Variants in PTK2B observed in about 807,000 individuals in gnomAD.
PTK2B encodes the protein protein-tyrosine kinase 2-beta.
In PTK2B, 71 loss-of-function variants were observed where a neutral mutation model predicts 142.9. That is an observed-to-expected ratio of 0.50 (90% CI 0.41 to 0.61). PTK2B has a LOEUF of 0.61. Among genes scored for constraint, PTK2B ranks in the 20% least tolerant of loss-of-function variants. The pLI is 0.00. For synonymous variants in PTK2B, 519 were observed against 503.4 expected, an observed-to-expected ratio of 1.03 and a Z score of -0.42; for missense variants, 1,105 against 1,320.4, an observed-to-expected ratio of 0.84 and a Z score of 2.53.
At chr8:27,310,655 T>G, upstream of PTK2B, 2 of 921,610 alleles carry the variant, frequency 2.2e-6, no homozygotes, top group South Asian at 1.8e-5. Context: ...CCTGAGAACC[T>G]GGGTCGGAGA....
chr8:27,356,287 C>T (rs10102753), intron 1 of PTK2B, among the ~76,000 whole-genome samples: 57,537 of 151,988 alleles, frequency 0.38, 12,010 homozygotes, highest in Non-Finnish European at 0.48. Context: ...GCTTACTGAC[C>T]GTATTGGGCC....
rs1020306011 is a variant in PTK2B at position 27,419,993 on chromosome 8, G to A, written c.303G>A (p.Glu101=). The part of the protein sequence containing the change: ...GLRLKHMKSD[E]IHWLHPQMTV... ...GGCTGAAGCACATGAAGTCCGATGAGATCCACTGGCTGCACCCACAGATGA... is the reference window on the plus strand; with the variant it reads ...GGCTGAAGCACATGAAGTCCGATGAAATCCACTGGCTGCACCCACAGATGA... The change falls in exon 3 of 31, where the codon GAG becomes GAA. Residue 101 remains glutamate (E), a synonymous_variant. Coordinates refer to ENST00000346049, the MANE Select transcript of PTK2B (RefSeq NM_173176.3). 8 of 1,614,096 alleles carry A rather than the reference G, an allele frequency of 5.0e-6. No individual in the cohort carries two copies. Among genetic ancestry groups the A allele is most frequent in the Non-Finnish European group, 6.8e-6 (8 of 1,180,046 alleles).
chr8:27,372,362 C>T (rs1177281239), intron 1 of PTK2B, among the ~76,000 whole-genome samples: 1 of 152,054 alleles, frequency 6.6e-6, no homozygotes, highest in Non-Finnish European at 1.5e-5. Flanking sequence ...GGCTCAAGAC[C>T]CAGGAAGAGT....
chr8:27,310,912 G>A (rs750672990), upstream of PTK2B: 3 of 1,612,826 alleles, frequency 1.9e-6, no homozygotes, highest in South Asian at 3.3e-5. Context: ...AGAAGAGGCT[G>A]AGCTGTCCGC....
chr8:27,323,700 C>G (rs1485697575), upstream of PTK2B, among the ~76,000 whole-genome samples: 1 of 152,138 alleles, frequency 6.6e-6, no homozygotes, highest in Non-Finnish European at 1.5e-5. Flanking sequence ...GTACATGACA[C>G]TGGACAGAAC....
At position 27,358,208 on chromosome 8, in the gene PTK2B, C is replaced by T. The variant is rs141039053; in HGVS notation, c.-38+32527C>T. 6.3e-3 allele frequency among the ~76,000 whole-genome samples: 957 copies of T among 152,296 alleles called. 8 individuals carry two copies. Among genetic ancestry groups the T allele is most frequent in the African/African-American group, 0.021 (878 of 41,562 alleles). ...GCAGCACAGGGCTGTGGATATAGCT[C>T]TGCACTGTAGGTTCAGCTGAGTTAA... is the stretch of plus-strand genomic sequence containing the variant. On this transcript the variant is annotated intron_variant, in intron 1 of 30. Transcript: ENST00000346049.
At chr8:27,451,635 A>G in intron 27 of PTK2B, 126 bp downstream of exon 27, 1 of 1,544,220 alleles carries the variant, frequency 6.5e-7, no homozygotes, top group South Asian at 1.2e-5. Flanking sequence ...ATCGGCCATG[A>G]TTTAATTCAG....
At chr8:27,339,620 C>T (rs900616777) in intron 1 of PTK2B, among the ~76,000 whole-genome samples, 1 of 152,154 alleles carries the variant, frequency 6.6e-6, no homozygotes, top group Non-Finnish European at 1.5e-5. Context: ...AAGGCTCAGA[C>T]CCCGGAAAGG....
At chr8:27,406,868 C>T (rs1808746092) in intron 2 of PTK2B, among the ~76,000 whole-genome samples, 1 of 152,196 alleles carries the variant, frequency 6.6e-6, no homozygotes, top group Admixed American at 6.5e-5. Context: ...ACCTGCCCCT[C>T]CTGCTCTGAG....
At chr8:27,409,506 C>A (rs1808924763) in intron 2 of PTK2B, among the ~76,000 whole-genome samples, 1 of 152,056 alleles carries the variant, frequency 6.6e-6, no homozygotes. Context: ...ACTTTGGAGA[C>A]CAGGCACAGA....
At chr8:27,346,276 C>T (rs1029004351) in intron 1 of PTK2B, among the ~76,000 whole-genome samples, 1 of 152,154 alleles carries the variant, frequency 6.6e-6, no homozygotes, top group Non-Finnish European at 1.5e-5. Context: ...GTGGCTCATG[C>T]CTGTAATCCT....
At chr8:27,343,344 G>C (rs1804526162) in intron 1 of PTK2B, among the ~76,000 whole-genome samples, 1 of 151,980 alleles carries the variant, frequency 6.6e-6, no homozygotes, top group Admixed American at 6.6e-5. Flanking sequence ...TCCAAACATG[G>C]TTCCTCTTCC....
rs763550941 is a variant in PTK2B, at chr8:27,458,351, C to A, written c.2872C>A (p.Arg958=). ...KDLAELINKM[R]LAQQNAVTSL... ...CCTGGCAGAGCTCATCAACAAGATG[C>A]GGCTGGCACAGCAGAACGCCGTGAC... The change falls in exon 31 of 31, where the codon CGG becomes AGG. Residue 958 remains arginine, a synonymous_variant. Coordinates refer to ENST00000346049, the MANE Select transcript of PTK2B (RefSeq NM_173176.3). 2 of 1,613,974 alleles carry A rather than the reference C, an allele frequency of 1.2e-6. No individual in the cohort carries two copies. Among genetic ancestry groups the A allele is most frequent in the Non-Finnish European group, 1.7e-6 (2 of 1,179,942 alleles).
chr8:27,340,822 C>T (rs1488425706), intron 1 of PTK2B, among the ~76,000 whole-genome samples: 1 of 152,198 alleles, frequency 6.6e-6, no homozygotes, highest in East Asian at 1.9e-4. Context: ...GGCATTGAAG[C>T]TGTCCATGCT....
chr8:27,406,747 G>A (rs939760133), intron 2 of PTK2B, among the ~76,000 whole-genome samples: 6 of 152,170 alleles, frequency 3.9e-5, no homozygotes, highest in African/African-American at 1.4e-4. Flanking sequence ...AGTGCCAGTG[G>A]TACCCTGTTG....
intron 1 of PTK2B, among the ~76,000 whole-genome samples, chr8:27,365,412 G>A (rs78149042): frequency 3.3e-5 from 5 of 152,254 alleles, no homozygotes; most frequent in African/African-American, 9.6e-5. Flanking sequence ...CTTAATCTTG[G>A]CCTCTTTCTT....
chr8:27,344,991 C>T (rs1372737072), intron 1 of PTK2B, among the ~76,000 whole-genome samples: 1 of 152,148 alleles, frequency 6.6e-6, no homozygotes, highest in African/African-American at 2.4e-5. Flanking sequence ...GGCAAAACCT[C>T]GTCTCTACTA....
At chr8:27,352,480 C>T (rs1053918791) in intron 1 of PTK2B, among the ~76,000 whole-genome samples, 4 of 152,160 alleles carry the variant, frequency 2.6e-5, no homozygotes, top group East Asian at 1.9e-4. Flanking sequence ...GGAGGGGGGG[C>T]GGTCATCTGG....
rs533048910 is a variant in PTK2B at position 27,392,821 on chromosome 8, A to G, written c.-37-4727A>G. ...CACTTGAGGAAGTTGCCATGTGTCA[A>G]TAGAGACATGGGCACCACCTTCCTG... On this transcript the variant is annotated intron_variant, in intron 1 of 30. Coordinates refer to ENST00000346049, the MANE Select transcript of PTK2B (RefSeq NM_173176.3). Among the ~76,000 whole-genome samples, 4 of 152,282 alleles carry G rather than the reference A, an allele frequency of 2.6e-5. No individual in the cohort carries two copies. The East Asian group carries it at 5.8e-4, about 22-fold the overall frequency.
Sources: gnomAD v4.1 joint callset for allele counts (sites outside exome capture counted in the v4.1 genomes callset) on GRCh38, gnomAD v4.1.1 for gene constraint, MANE v1.5 for transcripts, NCBI Gene and HGNC (gene_info 2026-07-23, HGNC 2026-07-21) for gene names.